LRRFIP1: variants seen among roughly 807,000 people sequenced by gnomAD.
LRRFIP1 encodes leucine-rich repeat flightless-interacting protein 1.
LRRFIP1 carries 62 observed loss-of-function variants against 104.4 expected under a neutral mutation model. That is an observed-to-expected ratio of 0.59 (90% CI 0.48 to 0.73). LRRFIP1 has a LOEUF of 0.73. Ranked by LOEUF, LRRFIP1 falls within the 30% of genes least tolerant of loss-of-function variation. LRRFIP1 has a pLI of 0.00. For missense variants in LRRFIP1, 796 were observed against 824.5 expected (o/e 0.97, Z 0.42); for synonymous variants, 300 against 299.0 (o/e 1.00, Z -0.03).
intron 4 of LRRFIP1, 41 bp from the exon 5 acceptor site, chr2:237,719,482 C>T (rs1159695039): frequency 6.6e-7 from 1 of 1,516,646 alleles, no homozygotes; most frequent in Non-Finnish European, 9.2e-7. Flanking sequence ...TTCCTGTGTC[C>T]ATCTGTCTCT....
rs2094065818 is a variant in LRRFIP1 at position 237,711,209 on chromosome 2, G to T, written c.183+2579G>T. The stretch of plus-strand genomic sequence containing the variant: ...GCTTCTGATGAGCACAGGCCTTGCG[G>T]AGAACATCTGATGAAATCGGGAAGT... On this transcript the variant is annotated intron_variant, in intron 2 of 23. Transcript: ENST00000308482. The surrounding 1 kb of genome is among the most constrained non-coding windows in gnomAD (Gnocchi z 4.4). Among the ~76,000 whole-genome samples the T allele has an allele frequency of 6.6e-6, 1 of 152,246 alleles. No individual in the cohort carries two copies. The highest frequency in any genetic ancestry group is 1.5e-5 in the Non-Finnish European group (1 of 68,046).
In LRRFIP1 at chr2:237,758,832, A is replaced by T. The variant is rs946087190; in HGVS notation, c.1317+11A>T. 2 of 1,583,374 alleles carry T rather than the reference A, an allele frequency of 1.3e-6. No homozygotes were observed. The highest frequency in any genetic ancestry group is 1.7e-6 in the Non-Finnish European group (2 of 1,166,360). On this transcript the variant is annotated intron_variant, in intron 18 of 23. Transcript: ENST00000308482. ...AAAGAGGAATTAAAGGTATGAAGCC[A>T]AACTACAGTTTTATTTAAAAAAAAA...
intron 13 of LRRFIP1, among the ~76,000 whole-genome samples, chr2:237,750,264 GGCCACCTGCAGCTCC>G: frequency 6.6e-6 from 1 of 151,274 alleles, no homozygotes; most frequent in East Asian, 1.9e-4. Context: ...GCCACCCCTG[GGCCACCTGCAGCTCC>G]TTGTTGCTTC....
intron 5 of LRRFIP1, among the ~76,000 whole-genome samples, chr2:237,720,492 T>C (rs954479362): frequency 1.3e-5 from 2 of 152,098 alleles, no homozygotes; most frequent in African/African-American, 4.8e-5. Context: ...TCAAGTGATC[T>C]GCCTGCCTCG....
chr2:237,755,690 T>C (rs1408629095), intron 15 of LRRFIP1, among the ~76,000 whole-genome samples: 1 of 152,180 alleles, frequency 6.6e-6, no homozygotes, highest in Non-Finnish European at 1.5e-5. Context: ...TCCCAACACT[T>C]TGGGAGGCTG....
At chr2:237,718,167 G>C (rs1159803560) in intron 4 of LRRFIP1, among the ~76,000 whole-genome samples, 1 of 152,254 alleles carries the variant, frequency 6.6e-6, no homozygotes, top group African/African-American at 2.4e-5. Context: ...CCTGGCTTGA[G>C]AACTTTCCAG....
At chr2:237,773,102 T>C (rs1032270667) in intron 22 of LRRFIP1, among the ~76,000 whole-genome samples, 157 bp downstream of exon 22, 9 of 152,208 alleles carry the variant, frequency 5.9e-5, no homozygotes, top group African/African-American at 9.7e-5. Flanking sequence ...TTCCATCCGT[T>C]TCTTACAGAG....
Position 237,772,885 on chromosome 2 carries a change from C to A in LRRFIP1, c.1647C>A (p.Ile549=). 1 of 1,613,714 alleles carries A rather than the reference C, an allele frequency of 6.2e-7. No individual in the cohort carries two copies. The highest frequency in any genetic ancestry group is 1.3e-5 in the African/African-American group (1 of 75,044). Reference sequence around the variant, plus strand: ...CTTTAGGGGATGCCAACAGACAGATCAGCGACCTCAAATTTAAACTTGCAA... The same window carrying A: ...CTTTAGGGGATGCCAACAGACAGATAAGCGACCTCAAATTTAAACTTGCAA... ...MDLQRDANRQ[I]SDLKFKLAKS... The change falls in exon 22 of 24, where the codon ATC becomes ATA. Residue 549 remains isoleucine, a synonymous_variant. Coordinates refer to ENST00000308482, the MANE Select transcript of LRRFIP1 (RefSeq NM_001137550.2).
intron 1 of LRRFIP1, among the ~76,000 whole-genome samples, chr2:237,671,756 G>A (rs924180765): frequency 6.6e-6 from 1 of 151,670 alleles, no homozygotes; most frequent in African/African-American, 2.4e-5. Flanking sequence ...TGCTTTATGT[G>A]TCTGTGTGCA....
rs575247425 is a variant in LRRFIP1, at chr2:237,699,346, CT to C, written c.97-9184del. On this transcript the variant is annotated intron_variant, in intron 1 of 23. Coordinates refer to ENST00000308482, the MANE Select transcript of LRRFIP1 (RefSeq NM_001137550.2). ...AATTAAAAATAGTGGTTTTTCTTTT[CT>C]TTTTTTTTTTTTTCTTTTTTTTTGA... 3.8e-3 allele frequency among the ~76,000 whole-genome samples: 532 copies of C among 138,832 alleles called. 3 individuals are homozygous for C. Among genetic ancestry groups the C allele is most frequent in the African/African-American group, 0.01 (378 of 37,680 alleles). 91.1% of individuals were successfully genotyped at this position (138,832 alleles called of 152,430 possible).
At chr2:237,666,779 G>GTCTCTTTTTT (rs1559501395) in intron 1 of LRRFIP1, among the ~76,000 whole-genome samples, 2 of 144,772 alleles carry the variant, frequency 1.4e-5, no homozygotes, top group Non-Finnish European at 3.0e-5. Flanking sequence ...CTTTCTCTCT[G>GTCTCTTTTTT]TCTCTTTCTT....
At chr2:237,659,868 GC>G (rs2087536951) in intron 1 of LRRFIP1, among the ~76,000 whole-genome samples, 1 of 152,060 alleles carries the variant, frequency 6.6e-6, no homozygotes, top group African/African-American at 2.4e-5. Context: ...CAAACTCCTG[GC>G]CTCAAGCAAT....
rs1247613903 is a variant in LRRFIP1, at chr2:237,686,190, T to A, written c.97-22354T>A. 2.6e-5 allele frequency among the ~76,000 whole-genome samples: 4 copies of A among 152,338 alleles called. No homozygotes were observed. In the East Asian group the frequency reaches 7.7e-4, roughly 29 times the overall value. ...GTGTGTGCTGAGGTGCCTGTTAGAC[T>A]CCTCCACTGAGGCTTTCTGCCTCCA... On this transcript the variant is annotated intron_variant, in intron 1 of 23. Coordinates refer to ENST00000308482, the MANE Select transcript of LRRFIP1 (RefSeq NM_001137550.2).
rs1315265988 is a variant in LRRFIP1 at position 237,711,257 on chromosome 2, G to T, written c.183+2627G>T. On this transcript the variant is annotated intron_variant, in intron 2 of 23. Coordinates refer to ENST00000308482, the MANE Select transcript of LRRFIP1 (RefSeq NM_001137550.2). The surrounding 1 kb of genome is among the most constrained non-coding windows in gnomAD (Gnocchi z 4.4). ...AGTCTCACGTAAAACGCCATGGTTT[G>T]CCTTCTTCAGCATGAGTACAGATGT... Among the ~76,000 whole-genome samples, 1 of 152,212 alleles carries T rather than the reference G, an allele frequency of 6.6e-6. No homozygotes were observed. Among genetic ancestry groups the T allele is most frequent in the Non-Finnish European group, 1.5e-5 (1 of 68,038 alleles).
chr2:237,714,720 G>C (rs561775246), intron 3 of LRRFIP1, among the ~76,000 whole-genome samples: 1 of 152,224 alleles, frequency 6.6e-6, no homozygotes, highest in Non-Finnish European at 1.5e-5. Context: ...GGACAGTGAT[G>C]ATATAAAATG....
intron 19 of LRRFIP1, chr2:237,763,357 A>G (rs2060056284): frequency 6.2e-7 from 1 of 1,614,042 alleles, no homozygotes; most frequent in South Asian, 1.1e-5. Context: ...TAGATATGAA[A>G]GAGCCCGATG....
Position 237,726,336 on chromosome 2 carries a change from ATCTG to A in LRRFIP1, c.385-1535_385-1532del, listed in dbSNP as rs2094748004. Among the ~76,000 whole-genome samples the A allele has an allele frequency of 3.3e-5, 5 of 152,284 alleles. No homozygotes were observed. The South Asian group carries it at 1.0e-3, about 32-fold the overall frequency. On this transcript the variant is annotated intron_variant, in intron 7 of 23. Transcript: ENST00000308482. The stretch of plus-strand genomic sequence containing the variant: ...AAAGTTTTATGAATCTGGATTTATA[ATCTG>A]TCTGGAAATTCAATTTTTTTTTCTA...
At chr2:237,654,980 A>G (rs1214556493) in intron 1 of LRRFIP1, among the ~76,000 whole-genome samples, 1 of 151,610 alleles carries the variant, frequency 6.6e-6, no homozygotes, top group Non-Finnish European at 1.5e-5. Flanking sequence ...ACAATGGAGT[A>G]CTCTTCAGCC....
chr2:237,630,448 G>C (rs1445689742), intron 1 of LRRFIP1, among the ~76,000 whole-genome samples: 1 of 152,226 alleles, frequency 6.6e-6, no homozygotes, highest in African/African-American at 2.4e-5. Flanking sequence ...AGTTGGGTCA[G>C]AAAGGGGTTG....
Sources: allele counts gnomAD v4.1 joint callset (sites outside exome capture counted in the v4.1 genomes callset), GRCh38; gene constraint gnomAD v4.1.1; non-coding constraint Gnocchi (gnomAD v3.1); transcripts MANE v1.5; gene names NCBI Gene and HGNC (gene_info 2026-07-23, HGNC 2026-07-21).